Variants in CREB5 observed in about 807,000 individuals in gnomAD.
The protein encoded by CREB5 is cyclic AMP-responsive element-binding protein 5.
CREB5 carries 19 observed loss-of-function variants against 57.1 expected under a neutral mutation model. That is an observed-to-expected ratio of 0.33 (90% CI 0.23 to 0.49). The LOEUF (loss-of-function observed/expected upper bound fraction) is 0.49. CREB5 is among the 20% of genes least tolerant of loss of function. CREB5 has a pLI of 0.99. For missense variants in CREB5, 579 were observed against 671.6 expected (o/e 0.86, Z 1.52); for synonymous variants, 238 against 238.3 (o/e 1.00, Z 0.01).
chr7:28,658,779 A>G (rs1029192243), intron 5 of CREB5, among the ~76,000 whole-genome samples: 5 of 151,852 alleles, frequency 3.3e-5, no homozygotes, highest in Admixed American at 6.6e-5. Context: ...AAGGGCTGAC[A>G]GCTGCTGCAC....
chr7:28,610,821 T>G (rs932657687), intron 5 of CREB5, among the ~76,000 whole-genome samples: 25 of 152,180 alleles, frequency 1.6e-4, no homozygotes, highest in African/African-American at 6.0e-4. Context: ...ATAGATTGTC[T>G]TGGCAATTTT....
chr7:28,536,442 T>C (rs1933596359), intron 4 of CREB5, among the ~76,000 whole-genome samples: 1 of 152,206 alleles, frequency 6.6e-6, no homozygotes, highest in African/African-American at 2.4e-5. Flanking sequence ...AGCTCAGTGA[T>C]TCTCCTAGTG....
intron 7 of CREB5, among the ~76,000 whole-genome samples, chr7:28,789,828 T>C (rs549190655): frequency 6.6e-6 from 1 of 152,148 alleles, no homozygotes; most frequent in Non-Finnish European, 1.5e-5. Context: ...TACTCTATCC[T>C]TAAATTAAAA....
chr7:28,710,594 C>G (rs1205530653), intron 5 of CREB5, among the ~76,000 whole-genome samples: 1 of 152,106 alleles, frequency 6.6e-6, no homozygotes, highest in Non-Finnish European at 1.5e-5. Flanking sequence ...TTTAAGCCCA[C>G]CTGGGCACCA....
At chr7:28,807,976 C>T (rs1808846354) in intron 8 of CREB5, among the ~76,000 whole-genome samples, 1 of 152,170 alleles carries the variant, frequency 6.6e-6, no homozygotes, top group Non-Finnish European at 1.5e-5. Context: ...TTAGATGTTG[C>T]TGAGTCCCAC....
At chr7:28,531,041 ATGT>A (rs771168090) in intron 4 of CREB5, among the ~76,000 whole-genome samples, 18 of 152,014 alleles carry the variant, frequency 1.2e-4, no homozygotes, top group African/African-American at 3.6e-4. Flanking sequence ...TGAAGGTCAA[ATGT>A]TGTTTTTTTT....
intron 1 of CREB5, among the ~76,000 whole-genome samples, chr7:28,475,880 C>T (rs1423732970): frequency 6.6e-6 from 1 of 152,184 alleles, no homozygotes; most frequent in East Asian, 1.9e-4. Context: ...TCTCCAGCCC[C>T]TCCAAGCCCA....
chr7:28,737,613 C>A (rs1804107122), intron 7 of CREB5, among the ~76,000 whole-genome samples: 1 of 126,340 alleles, frequency 7.9e-6, no homozygotes, highest in South Asian at 2.7e-4. Context: ...TCAAAGGATA[C>A]TTCTGTTTCT....
chr7:28,310,838 A>G (rs1222705715), intron 1 of CREB5, among the ~76,000 whole-genome samples: 1 of 152,190 alleles, frequency 6.6e-6, no homozygotes, highest in East Asian at 1.9e-4. Flanking sequence ...TCATTATTAC[A>G]CTCGATGAAC....
chr7:28,368,335 A>G (rs931855104), intron 1 of CREB5, among the ~76,000 whole-genome samples: 1 of 152,182 alleles, frequency 6.6e-6, no homozygotes, highest in Non-Finnish European at 1.5e-5. Context: ...ACGCTATACA[A>G]TTCATCCATG....
chr7:28,386,398 C>T (rs1398867734), intron 1 of CREB5, among the ~76,000 whole-genome samples: 4 of 152,188 alleles, frequency 2.6e-5, no homozygotes, highest in African/African-American at 9.7e-5. Context: ...AAATCTGCTG[C>T]TGGTTTAACT....
intron 1 of CREB5, among the ~76,000 whole-genome samples, chr7:28,306,226 T>C (rs1054967135): frequency 2.0e-5 from 3 of 152,218 alleles, no homozygotes; most frequent in African/African-American, 2.4e-5. Context: ...CTAGTTGTAA[T>C]ATTTATTGTT....
At chr7:28,469,621 T>C (rs1790728556) in intron 1 of CREB5, among the ~76,000 whole-genome samples, 2 of 152,240 alleles carry the variant, frequency 1.3e-5, no homozygotes, top group African/African-American at 4.8e-5. Flanking sequence ...TTTACATGAT[T>C]ATAGAACCAT....
At chr7:28,511,321 T>C (rs1792692377) in intron 4 of CREB5, among the ~76,000 whole-genome samples, 1 of 151,836 alleles carries the variant, frequency 6.6e-6, no homozygotes, top group African/African-American at 2.4e-5. Flanking sequence ...AGCACATAAG[T>C]GCAAAGGCCT....
chr7:28,508,269 T>C (rs982704981), intron 4 of CREB5, among the ~76,000 whole-genome samples: 1 of 152,222 alleles, frequency 6.6e-6, no homozygotes, highest in Admixed American at 6.5e-5. Context: ...GAAAATCATT[T>C]TGTGAAACCC....
At chr7:28,716,068 A>C (rs567382127) in intron 5 of CREB5, among the ~76,000 whole-genome samples, 1 of 152,188 alleles carries the variant, frequency 6.6e-6, no homozygotes, top group African/African-American at 2.4e-5. Context: ...ATAAAAACTC[A>C]TTTTAAATGT....
At chr7:28,458,886 C>T (rs1250827388) in intron 1 of CREB5, among the ~76,000 whole-genome samples, 8 of 152,290 alleles carry the variant, frequency 5.3e-5, no homozygotes, top group South Asian at 2.1e-4. Context: ...GCCATGAAGG[C>T]GAGAAGCCAA....
intron 7 of CREB5, among the ~76,000 whole-genome samples, chr7:28,785,095 A>C (rs1247838921): frequency 6.6e-6 from 1 of 152,084 alleles, no homozygotes; most frequent in African/African-American, 2.4e-5. Context: ...TTTTCTGATG[A>C]TCTCCAGTGC....
At chr7:28,352,079 A>G (rs1786200380) in intron 1 of CREB5, among the ~76,000 whole-genome samples, 1 of 152,262 alleles carries the variant, frequency 6.6e-6, no homozygotes, top group South Asian at 2.1e-4. Context: ...ATTTGAAGGC[A>G]TAGAGCTGCT....
Sources: allele counts gnomAD v4.1 joint callset (sites outside exome capture counted in the v4.1 genomes callset), GRCh38; gene constraint gnomAD v4.1.1; transcripts MANE v1.5; gene names NCBI Gene and HGNC (gene_info 2026-07-23, HGNC 2026-07-21).